MYO16: variants seen among roughly 807,000 people sequenced by gnomAD.
The protein encoded by MYO16 is myosin XVI.
MYO16 carries 94 observed loss-of-function variants against 205.3 expected under a neutral mutation model. The ratio of observed to expected loss-of-function variants is 0.46; its 90% CI spans 0.39 to 0.54. The LOEUF is 0.54. Ranked by LOEUF, MYO16 falls within the 20% of genes least tolerant of loss-of-function variation. MYO16 has a pLI of 0.00. For missense variants in MYO16, 2,315 were observed against 2,387.5 expected (o/e 0.97, Z 0.63); for synonymous variants, 988 against 954.0 (o/e 1.04, Z -0.66).
intron 5 of MYO16, among the ~76,000 whole-genome samples, chr13:108,792,267 A>T (rs1308402206): frequency 2.0e-5 from 3 of 152,230 alleles, no homozygotes; most frequent in African/African-American, 7.2e-5. Flanking sequence ...CTTTATTAAC[A>T]TTAGTAGTCA....
At position 108,994,683 on chromosome 13, in the gene MYO16, T is replaced by G. The variant is rs181461147; in HGVS notation, c.2442+2235T>G. Among the ~76,000 whole-genome samples the G allele has an allele frequency of 1.2e-4, 19 of 152,308 alleles. No individual in the cohort carries two copies. The East Asian group carries it at 3.7e-3, about 29-fold the overall frequency. Reference sequence around the variant, plus strand: ...ATATGTTTTTTATTCTGTTTTGCGCTTATTGACCCATCCATCAGTTCTTCA... The same window carrying G: ...ATATGTTTTTTATTCTGTTTTGCGCGTATTGACCCATCCATCAGTTCTTCA... On this transcript the variant is annotated intron_variant, in intron 21 of 34. Coordinates refer to ENST00000457511, the MANE Select transcript of MYO16 (RefSeq NM_001198950.3).
At chr13:108,682,116 C>T (rs1882487042) in intron 2 of MYO16, among the ~76,000 whole-genome samples, 1 of 152,198 alleles carries the variant, frequency 6.6e-6, no homozygotes, top group African/African-American at 2.4e-5. Flanking sequence ...CACATATTTG[C>T]TAAATTACTC....
intron 33 of MYO16, among the ~76,000 whole-genome samples, chr13:109,175,384 T>A (rs571079664): frequency 1.3e-5 from 2 of 152,192 alleles, no homozygotes; most frequent in African/African-American, 2.4e-5. Context: ...GCAGGTTCTA[T>A]GGAGTGTCCA....
chr13:108,894,290 A>G (rs759211663), intron 14 of MYO16, among the ~76,000 whole-genome samples: 2 of 152,170 alleles, frequency 1.3e-5, no homozygotes, highest in Non-Finnish European at 2.9e-5. Context: ...AACAGAGCCA[A>G]ACCATATCAG....
upstream of MYO16, among the ~76,000 whole-genome samples, chr13:108,595,345 G>C (rs752766526): frequency 5.9e-5 from 9 of 152,014 alleles, no homozygotes; most frequent in Non-Finnish European, 1.0e-4. Context: ...ATGGAATCAG[G>C]TCAAATCTCC....
At chr13:108,495,883 G>T in the MYO16 span, among the ~76,000 whole-genome samples, 1 of 151,962 alleles carries the variant, frequency 6.6e-6, no homozygotes, top group Non-Finnish European at 1.5e-5. Context: ...GGCCATCGCC[G>T]CGTCGCCTGG....
chr13:109,080,011 G>T (rs140544283), intron 27 of MYO16, among the ~76,000 whole-genome samples: 2,615 of 151,654 alleles, frequency 0.017, 68 homozygotes, highest in African/African-American at 0.06. Flanking sequence ...GAGTAGCTAG[G>T]ATTACAGGTG....
chr13:109,092,008 T>G (rs2139692180), intron 27 of MYO16, among the ~76,000 whole-genome samples: 1 of 152,352 alleles, frequency 6.6e-6, no homozygotes, highest in African/African-American at 2.4e-5. Flanking sequence ...TTTACACATC[T>G]TAGTGATCTT....
intron 8 of MYO16, 30 bp downstream of exon 8, chr13:108,820,442 G>A (rs1454341035): frequency 2.6e-6 from 4 of 1,548,234 alleles, no homozygotes; most frequent in Non-Finnish European, 3.5e-6. Flanking sequence ...GGACCATTGA[G>A]CAGGTACTGT....
intron 20 of MYO16, among the ~76,000 whole-genome samples, chr13:108,973,798 T>G (rs1261516458): frequency 6.6e-6 from 1 of 152,246 alleles, no homozygotes; most frequent in African/African-American, 2.4e-5. Flanking sequence ...TCGGCACTAA[T>G]AAGATTGTAA....
intron 1 of MYO16, among the ~76,000 whole-genome samples, chr13:108,612,293 G>C (rs1260982476): frequency 4.0e-5 from 6 of 151,640 alleles, no homozygotes; most frequent in Admixed American, 3.3e-4. Flanking sequence ...CAAGGAAAAA[G>C]GAAAAAGAGA....
intron 7 of MYO16, among the ~76,000 whole-genome samples, chr13:108,809,813 G>A (rs1887230282): frequency 6.6e-6 from 1 of 152,220 alleles, no homozygotes; most frequent in African/African-American, 2.4e-5. Context: ...GGAATAGAAA[G>A]GGCCAGCGCT....
chr13:108,983,741 C>T (rs1884531240), intron 20 of MYO16, among the ~76,000 whole-genome samples: 1 of 152,160 alleles, frequency 6.6e-6, no homozygotes. Context: ...TCCATGCCTT[C>T]CATTCTTAAT....
chr13:108,625,090 C>A (rs573764418), upstream of MYO16, among the ~76,000 whole-genome samples: 2 of 152,268 alleles, frequency 1.3e-5, no homozygotes, highest in South Asian at 4.1e-4. Context: ...TTCCTATTAA[C>A]CCCTACTTCT....
chr13:109,155,207 A>G (rs1432267932), intron 32 of MYO16, among the ~76,000 whole-genome samples: 1 of 152,210 alleles, frequency 6.6e-6, no homozygotes, highest in African/African-American at 2.4e-5. Flanking sequence ...GTTTTCTAGC[A>G]CAAACCATCT....
chr13:108,497,175 G>A, the MYO16 span, among the ~76,000 whole-genome samples: 1 of 152,176 alleles, frequency 6.6e-6, no homozygotes, highest in African/African-American at 2.4e-5. Flanking sequence ...ACATGATTGA[G>A]GAGGGGCCAA....
intron 2 of MYO16, among the ~76,000 whole-genome samples, chr13:108,696,993 A>T (rs1007929472): frequency 6.8e-6 from 1 of 146,004 alleles, no homozygotes; most frequent in African/African-American, 2.5e-5. Context: ...AAAAAAAAAA[A>T]TACCCTGCCC....
At chr13:109,025,727 T>C (rs1192905694) in intron 23 of MYO16, among the ~76,000 whole-genome samples, 3 of 152,298 alleles carry the variant, frequency 2.0e-5, no homozygotes, top group South Asian at 4.1e-4. Context: ...GAGAAAGACA[T>C]TGGCTCTTAG....
chr13:108,684,270 T>A (rs1882584964), intron 2 of MYO16, among the ~76,000 whole-genome samples: 1 of 152,182 alleles, frequency 6.6e-6, no homozygotes, highest in Non-Finnish European at 1.5e-5. Context: ...CTTATGAGAT[T>A]GTTTCAAGCA....
Sources: gnomAD v4.1 joint callset for allele counts (sites outside exome capture counted in the v4.1 genomes callset) on GRCh38, gnomAD v4.1.1 for gene constraint, MANE v1.5 for transcripts, NCBI Gene and HGNC (gene_info 2026-07-23, HGNC 2026-07-21) for gene names.